The following PDE8B variants were observed in gnomAD, a reference collection of about 807,000 sequenced individuals.
PDE8B encodes the protein phosphodiesterase 8B.
PDE8B carries 26 observed loss-of-function variants against 101.3 expected under a neutral mutation model. That is an observed-to-expected ratio of 0.26 (90% CI 0.19 to 0.36). The LOEUF is 0.36. Ranked by LOEUF, PDE8B falls within the 10% of genes least tolerant of loss-of-function variation. PDE8B has a pLI of 1.00. For synonymous variants in PDE8B, 424 were observed against 429.3 expected, an observed-to-expected ratio of 0.99 and a Z score of 0.15; for missense variants, 810 against 1,163.1, an observed-to-expected ratio of 0.70 and a Z score of 4.42.
At chr5:77,355,187 T>C (rs542111000) in intron 10 of PDE8B, among the ~76,000 whole-genome samples, 3 of 152,270 alleles carry the variant, frequency 2.0e-5, no homozygotes, top group Non-Finnish European at 4.4e-5. Context: ...GGCCACCTGC[T>C]TTTTTTCTGA....
At chr5:77,095,225 G>A in the PDE8B span, among the ~76,000 whole-genome samples, 1 of 152,148 alleles carries the variant, frequency 6.6e-6, no homozygotes, top group Non-Finnish European at 1.5e-5. Context: ...ATAAGCAGAT[G>A]TCATCGTTGT....
chr5:77,154,106 A>C, the PDE8B span, among the ~76,000 whole-genome samples: 18 of 152,238 alleles, frequency 1.2e-4, no homozygotes, highest in Admixed American at 1.2e-3. Context: ...TTGAGTTACA[A>C]AACCCTAAAG....
intron 1 of PDE8B, among the ~76,000 whole-genome samples, chr5:77,280,906 C>T (rs1764843696): frequency 6.6e-6 from 1 of 151,982 alleles, no homozygotes; most frequent in African/African-American, 2.4e-5. Context: ...CAAAAACAAA[C>T]AAACAAACAA....
the PDE8B span, among the ~76,000 whole-genome samples, chr5:77,174,112 C>G: frequency 6.6e-6 from 1 of 152,244 alleles, no homozygotes; most frequent in South Asian, 2.1e-4. Context: ...CTTCTCAGAG[C>G]TTCCTCTCTT....
intron 1 of PDE8B, among the ~76,000 whole-genome samples, chr5:77,277,477 G>A (rs975517546): frequency 6.6e-6 from 1 of 152,188 alleles, no homozygotes; most frequent in African/African-American, 2.4e-5. Flanking sequence ...ACATCAAACT[G>A]CAAAATATCA....
rs2151073835 is a variant in PDE8B at position 77,409,034 on chromosome 5, G to A, written c.1507G>A (p.Asp503Asn). Residue 503 changes from aspartate (D) to asparagine (N), a missense_variant, in exon 14 of 22, where the codon GAT becomes AAT. By Grantham distance (23) the Asp-to-Asn change is conservative. Transcript: ENST00000264917. ...GTKDEDPHTS[D>N]LVGGLMTDGL... The stretch of plus-strand genomic sequence containing the variant: ...CAAAGATGAAGATCCCCACACCAGT[G>A]ATCTTGTTGGAGGCCTGATGACTGT... The A allele has an allele frequency of 6.2e-7, 1 of 1,614,030 alleles. No individual in the cohort carries two copies. The highest frequency in any genetic ancestry group is 8.5e-7 in the Non-Finnish European group (1 of 1,179,932).
At chr5:77,144,534 T>G in the PDE8B span, 1 of 152,014 alleles carries the variant, frequency 6.6e-6, no homozygotes, top group Non-Finnish European at 1.5e-5. Context: ...TGGTGATACT[T>G]GGTTATATAG....
chr5:77,131,563 A>G, the PDE8B span, among the ~76,000 whole-genome samples: 1 of 152,218 alleles, frequency 6.6e-6, no homozygotes, highest in Non-Finnish European at 1.5e-5. Flanking sequence ...CTCATTCATC[A>G]ACTTGTCAAA....
At chr5:77,165,396 C>A in the PDE8B span, 1 of 152,176 alleles carries the variant, frequency 6.6e-6, no homozygotes, top group Non-Finnish European at 1.5e-5. Flanking sequence ...TTCAGCATAG[C>A]ACTGGGTCCA....
At chr5:77,173,208 A>G in the PDE8B span, among the ~76,000 whole-genome samples, 1 of 152,234 alleles carries the variant, frequency 6.6e-6, no homozygotes. Flanking sequence ...GAGATCTTGT[A>G]GACAAATCTG....
At chr5:77,379,979 G>C (rs974303657) in intron 10 of PDE8B, among the ~76,000 whole-genome samples, 2 of 152,170 alleles carry the variant, frequency 1.3e-5, no homozygotes, top group Non-Finnish European at 2.9e-5. Context: ...AAAGCATTCA[G>C]TTCTGTCGTG....
At chr5:77,334,828 A>G (rs545538186) in intron 5 of PDE8B, among the ~76,000 whole-genome samples, 37 of 152,346 alleles carry the variant, frequency 2.4e-4, no homozygotes, top group African/African-American at 8.4e-4. Flanking sequence ...ACAGAACACC[A>G]CTGTACCAAA....
At chr5:77,107,953 T>C in the PDE8B span, among the ~76,000 whole-genome samples, 18 of 152,188 alleles carry the variant, frequency 1.2e-4, no homozygotes, top group South Asian at 3.7e-3. Context: ...CCCCACACAC[T>C]GACCCAGCAG....
chr5:77,313,448 G>T (rs1007391185), intron 2 of PDE8B, among the ~76,000 whole-genome samples: 2 of 152,118 alleles, frequency 1.3e-5, no homozygotes, highest in Admixed American at 1.3e-4. Flanking sequence ...CATGCCCTTT[G>T]TACTCCAATT....
chr5:77,186,301 G>A, the PDE8B span, among the ~76,000 whole-genome samples: 39 of 152,282 alleles, frequency 2.6e-4, 1 homozygote, highest in Admixed American at 2.2e-3. Flanking sequence ...TAATTAGATC[G>A]TACAGCCAAA....
the PDE8B span, among the ~76,000 whole-genome samples, chr5:77,183,624 T>C: frequency 2.9e-4 from 44 of 152,324 alleles, no homozygotes; most frequent in Non-Finnish European, 6.0e-4. Context: ...GATTTAAAAA[T>C]CTTTTATGAG....
At chr5:77,317,769 C>T (rs781382342) in intron 2 of PDE8B, among the ~76,000 whole-genome samples, 7 of 152,100 alleles carry the variant, frequency 4.6e-5, no homozygotes, top group Non-Finnish European at 1.0e-4. Flanking sequence ...TCCCCATTCC[C>T]GTCATGCTGG....
intron 1 of PDE8B, among the ~76,000 whole-genome samples, chr5:77,223,081 G>T (rs6870261): frequency 0.2 from 31,090 of 152,048 alleles, 3,340 homozygotes; most frequent in East Asian, 0.32. Context: ...ACATGTAATT[G>T]TAAAATTTTT....
chr5:77,345,421 A>C (rs1041139228), intron 7 of PDE8B, among the ~76,000 whole-genome samples: 5 of 152,208 alleles, frequency 3.3e-5, no homozygotes, highest in Admixed American at 2.6e-4. Flanking sequence ...TGGCCTCCCA[A>C]AGTGCTGGGA....
Sources: gnomAD v4.1 joint callset for allele counts (sites outside exome capture counted in the v4.1 genomes callset) on GRCh38, gnomAD v4.1.1 for gene constraint, MANE v1.5 for transcripts, NCBI Gene and HGNC (gene_info 2026-07-23, HGNC 2026-07-21) for gene names.